The following CTDSPL variants were observed in gnomAD, a reference collection of about 807,000 sequenced individuals.
CTDSPL encodes CTD small phosphatase-like protein.
In CTDSPL, 8 loss-of-function variants were observed where a neutral mutation model predicts 30.5. That is an observed-to-expected ratio of 0.26 (90% CI 0.15 to 0.47). The LOEUF (loss-of-function observed/expected upper bound fraction) is 0.47. Among genes scored for constraint, CTDSPL ranks in the 20% least tolerant of loss-of-function variants. The pLI, the probability that CTDSPL is intolerant of heterozygous loss-of-function variation, is 0.99. For missense variants in CTDSPL, 248 were observed against 366.1 expected (o/e 0.68, Z 2.63); for synonymous variants, 110 against 137.9 (o/e 0.80, Z 1.42).
chr3:37,863,905 A>G (rs537997309), intron 1 of CTDSPL, among the ~76,000 whole-genome samples: 20 of 152,270 alleles, frequency 1.3e-4, no homozygotes, highest in Non-Finnish European at 2.6e-4. Context: ...TCTCTCAGGC[A>G]TTTTTCTGTG....
At chr3:37,874,017 G>A (rs1698105545) in intron 1 of CTDSPL, among the ~76,000 whole-genome samples, 1 of 152,182 alleles carries the variant, frequency 6.6e-6, no homozygotes, top group East Asian at 1.9e-4. Context: ...CTCAGTTAAG[G>A]AAGCATCCAT....
At chr3:37,895,712 G>T (rs1196474294) in intron 1 of CTDSPL, among the ~76,000 whole-genome samples, 1 of 152,134 alleles carries the variant, frequency 6.6e-6, no homozygotes, top group Non-Finnish European at 1.5e-5. Flanking sequence ...TTCTCCAGGA[G>T]AATCAGTCTA....
intron 1 of CTDSPL, among the ~76,000 whole-genome samples, chr3:37,882,059 A>G (rs1393760757): frequency 1.3e-5 from 2 of 152,182 alleles, no homozygotes; most frequent in Admixed American, 1.3e-4. Flanking sequence ...TGTAGTCCCA[A>G]CACTTTGGGA....
chr3:37,969,785 C>T (rs965570548), intron 5 of CTDSPL, among the ~76,000 whole-genome samples: 1 of 152,222 alleles, frequency 6.6e-6, no homozygotes, highest in Non-Finnish European at 1.5e-5. Flanking sequence ...GCCCCTCGCT[C>T]CACCCTCAGC....
At chr3:37,938,419 G>A (rs1698938780) in intron 1 of CTDSPL, among the ~76,000 whole-genome samples, 1 of 150,278 alleles carries the variant, frequency 6.7e-6, no homozygotes, top group African/African-American at 2.4e-5. Flanking sequence ...ATTAAGAAAT[G>A]CTGGCTATTT....
intron 3 of CTDSPL, among the ~76,000 whole-genome samples, chr3:37,958,201 A>G (rs1009608384): frequency 6.6e-6 from 1 of 152,164 alleles, no homozygotes; most frequent in Non-Finnish European, 1.5e-5. Context: ...TTGCCCAAAA[A>G]GTTTACAGTA....
At chr3:37,877,129 C>T (rs955665647) in intron 1 of CTDSPL, among the ~76,000 whole-genome samples, 4 of 151,446 alleles carry the variant, frequency 2.6e-5, no homozygotes, top group Non-Finnish European at 5.9e-5. Flanking sequence ...AAAAATTGAT[C>T]GTCTTAACTA....
At position 37,880,140 on chromosome 3, in the gene CTDSPL, T is replaced by G. The variant is rs546013403; in HGVS notation, c.79+17862T>G. The stretch of plus-strand genomic sequence containing the variant: ...ATTATATATATATAAAAATAAGATA[T>G]ATATATATATATCTTATTTCATCTT... On this transcript the variant is annotated intron_variant, in intron 1 of 7. Coordinates refer to ENST00000273179, the MANE Select transcript of CTDSPL (RefSeq NM_001008392.2). Among the ~76,000 whole-genome samples the G allele has an allele frequency of 4.0e-5, 6 of 148,730 alleles. No individual in the cohort carries two copies. In the South Asian group the frequency reaches 1.1e-3, roughly 26 times the overall value.
At chr3:37,918,126 G>A (rs978001179) in intron 1 of CTDSPL, among the ~76,000 whole-genome samples, 1 of 152,150 alleles carries the variant, frequency 6.6e-6, no homozygotes, top group Non-Finnish European at 1.5e-5. Context: ...ACCCAGTTAC[G>A]TGCATGCTTG....
At chr3:37,934,175 A>C (rs1046476647) in intron 1 of CTDSPL, among the ~76,000 whole-genome samples, 1 of 152,094 alleles carries the variant, frequency 6.6e-6, no homozygotes, top group African/African-American at 2.4e-5. Context: ...AAAATTCAAA[A>C]TATTAGCCAG....
At chr3:37,965,512 T>C (rs888781489) in intron 4 of CTDSPL, among the ~76,000 whole-genome samples, 2 of 152,186 alleles carry the variant, frequency 1.3e-5, no homozygotes, top group South Asian at 4.1e-4. Flanking sequence ...TGGTCTTGTT[T>C]TCCTTGGATT....
chr3:37,879,579 A>G (rs773887775), intron 1 of CTDSPL, among the ~76,000 whole-genome samples: 1 of 152,206 alleles, frequency 6.6e-6, no homozygotes, highest in Non-Finnish European at 1.5e-5. Context: ...TACACTGTAC[A>G]TATACTGGTT....
chr3:37,882,441 C>A (rs1275290943), intron 1 of CTDSPL, among the ~76,000 whole-genome samples: 110 of 120,850 alleles, frequency 9.1e-4, no homozygotes, highest in East Asian at 9.5e-4. Flanking sequence ...GACTCTAACT[C>A]AAAAAAAAAA....
chr3:37,958,905 C>T (rs1454903524), intron 3 of CTDSPL, among the ~76,000 whole-genome samples: 1 of 152,248 alleles, frequency 6.6e-6, no homozygotes, highest in Non-Finnish European at 1.5e-5. Flanking sequence ...CCCAGTCCAT[C>T]CGGGCCAGCT....
chr3:37,868,160 C>G (rs897152463), intron 1 of CTDSPL, among the ~76,000 whole-genome samples: 2 of 152,026 alleles, frequency 1.3e-5, no homozygotes, highest in African/African-American at 4.8e-5. Context: ...TTGCATTTCC[C>G]TGATGGCTAA....
intron 1 of CTDSPL, among the ~76,000 whole-genome samples, chr3:37,888,695 G>C (rs1031659477): frequency 2.0e-5 from 3 of 152,226 alleles, no homozygotes; most frequent in African/African-American, 7.2e-5. Context: ...CAGACTTTTA[G>C]AGACCAGAAA....
In CTDSPL at chr3:37,862,179, C is replaced by A; in HGVS notation, c.-21C>A. 2 of 1,139,544 alleles carry A rather than the reference C, an allele frequency of 1.8e-6. No individual in the cohort carries two copies. The highest frequency in any genetic ancestry group is 4.2e-5 in the East Asian group (1 of 23,662). 70.6% of individuals were successfully genotyped at this position (1,139,544 alleles called of 1,614,324 possible). A position where few individuals can be genotyped will look rare whatever the true frequency, so the allele number is the denominator to read the frequency against. On this transcript the variant is annotated 5_prime_UTR_variant, in exon 1 of 8. Transcript: ENST00000273179. The surrounding 1 kb of genome is among the most constrained non-coding windows in gnomAD (Gnocchi z 4.3). ...GCTTGCGGGGGGCCGGGCCTGCGGG[C>A]GGCCGCCGCGCCGCGCACCCATGGA...
intron 1 of CTDSPL, among the ~76,000 whole-genome samples, chr3:37,925,288 G>A (rs1698768631): frequency 6.6e-6 from 1 of 152,134 alleles, no homozygotes; most frequent in South Asian, 2.1e-4. Context: ...ACATTTCTGT[G>A]TAGCCCTCCC....
At chr3:37,882,269 C>A (rs1239078756) in intron 1 of CTDSPL, among the ~76,000 whole-genome samples, 2 of 151,912 alleles carry the variant, frequency 1.3e-5, no homozygotes, top group African/African-American at 2.4e-5. Flanking sequence ...GGTAAAACCC[C>A]GTCTCTACTA....
Sources: allele counts gnomAD v4.1 joint callset (sites outside exome capture counted in the v4.1 genomes callset), GRCh38; gene constraint gnomAD v4.1.1; non-coding constraint Gnocchi (gnomAD v3.1); transcripts MANE v1.5; gene names NCBI Gene and HGNC (gene_info 2026-07-23, HGNC 2026-07-21).